BFSP1: variants seen among roughly 807,000 people sequenced by gnomAD.
The protein encoded by BFSP1 is filensin.
Under a neutral mutation model 43.9 loss-of-function variants are expected in BFSP1, and 38 were observed. The observed-to-expected ratio is 0.87, with a 90% CI of 0.67 to 1.14. The LOEUF (loss-of-function observed/expected upper bound fraction) is 1.14. Ranked by LOEUF, BFSP1 falls within the 50% of genes most tolerant of loss-of-function variation. The pLI is 0.00. For missense variants in BFSP1, 850 were observed against 875.1 expected (o/e 0.97, Z 0.36); for synonymous variants, 352 against 354.8 (o/e 0.99, Z 0.09).
rs1262685689 is a variant in BFSP1, at chr20:17,504,127, A to G, written c.735+4762T>C. Among the ~76,000 whole-genome samples, 3 of 152,262 alleles carry G rather than the reference A, an allele frequency of 2.0e-5. No individual in the cohort carries two copies. In the East Asian group the frequency reaches 5.8e-4, roughly 29 times the overall value. On this transcript the variant is annotated intron_variant, in intron 5 of 7. Transcript: ENST00000377873. ...TAAAGGCTGGAGATCCTCTGCTGGAACACTGCGGGAGGAGCTCCTGTCCTG... is the reference window on the plus strand; with the variant it reads ...TAAAGGCTGGAGATCCTCTGCTGGAGCACTGCGGGAGGAGCTCCTGTCCTG...
At chr20:17,545,170 T>C (rs545144418) in intron 1 of BFSP1, among the ~76,000 whole-genome samples, 16 of 152,326 alleles carry the variant, frequency 1.1e-4, no homozygotes, top group Middle Eastern at 3.4e-3. Flanking sequence ...AAAAAGAGAA[T>C]TGCCTGACTG....
At chr20:17,558,650 C>T in intron 1 of BFSP1, 1 of 1,547,268 alleles carries the variant, frequency 6.5e-7, no homozygotes, top group Non-Finnish European at 8.7e-7. Flanking sequence ...AAATGCTAAA[C>T]CTAGAATCCA....
chr20:17,495,505 GCTCAGATGGC>G (rs2033610574), intron 7 of BFSP1, among the ~76,000 whole-genome samples: 1 of 152,184 alleles, frequency 6.6e-6, no homozygotes, highest in East Asian at 1.9e-4. Context: ...CTTCTGACAT[GCTCAGATGGC>G]CTTGGGCCTG....
chr20:17,530,936 C>T lies in BFSP1; in HGVS notation c.377+17G>A. The T allele has an allele frequency of 7.1e-7, 1 of 1,402,720 alleles. No individual in the cohort carries two copies. The highest frequency in any genetic ancestry group is 9.2e-7 in the Non-Finnish European group (1 of 1,081,248). 86.9% of individuals were successfully genotyped at this position (1,402,720 alleles called of 1,614,324 possible). ...GCCCACGCCCTGCCTCGGTTTCCCC[C>T]GATGGCCGCCGCTTACTTGCTTCGG... On this transcript the variant is annotated intron_variant, in intron 1 of 7. Coordinates refer to ENST00000377873, the MANE Select transcript of BFSP1 (RefSeq NM_001195.5).
intron 5 of BFSP1, among the ~76,000 whole-genome samples, chr20:17,505,785 C>T (rs1225014089): frequency 1.3e-5 from 2 of 152,192 alleles, no homozygotes; most frequent in Admixed American, 1.3e-4. Flanking sequence ...ATCACAGGGA[C>T]ACCTAGACAT....
At chr20:17,559,163 A>G (rs1007184611), upstream of BFSP1, among the ~76,000 whole-genome samples, 11 of 152,220 alleles carry the variant, frequency 7.2e-5, no homozygotes, top group Non-Finnish European at 1.5e-4. Context: ...TTGCCCAGAC[A>G]TGGATAGTTG....
upstream of BFSP1, among the ~76,000 whole-genome samples, chr20:17,532,007 C>T (rs1215246580): frequency 6.6e-6 from 1 of 152,104 alleles, no homozygotes; most frequent in East Asian, 1.9e-4. Flanking sequence ...TAGTAATACC[C>T]GTGCATAAAA....
intron 1 of BFSP1, among the ~76,000 whole-genome samples, chr20:17,546,759 C>T (rs753121992): frequency 1.3e-5 from 2 of 152,044 alleles, no homozygotes; most frequent in Non-Finnish European, 2.9e-5. Flanking sequence ...GGAGCGGTGG[C>T]TTACGCCTGT....
intron 1 of BFSP1, among the ~76,000 whole-genome samples, chr20:17,545,871 C>T (rs1223595087): frequency 6.6e-6 from 1 of 152,236 alleles, no homozygotes; most frequent in East Asian, 1.9e-4. Flanking sequence ...TTAGTTTAGT[C>T]TTTACATAGA....
At chr20:17,535,957 T>TA (rs1008025847), upstream of BFSP1, among the ~76,000 whole-genome samples, 2 of 152,090 alleles carry the variant, frequency 1.3e-5, no homozygotes, top group Non-Finnish European at 2.9e-5. Flanking sequence ...TTTATTTTTT[T>TA]AAAAAAACAG....
chr20:17,536,804 A>G (rs1222813275), intron 1 of BFSP1, among the ~76,000 whole-genome samples: 1 of 152,194 alleles, frequency 6.6e-6, no homozygotes, highest in African/African-American at 2.4e-5. Flanking sequence ...TCTGCTGCCT[A>G]CTATTGTGTG....
At chr20:17,529,647 A>C (rs887751016) in intron 1 of BFSP1, among the ~76,000 whole-genome samples, 4 of 152,130 alleles carry the variant, frequency 2.6e-5, no homozygotes, top group Non-Finnish European at 1.5e-5. Flanking sequence ...ATAGTATTCC[A>C]TTACATGGAG....
upstream of BFSP1, among the ~76,000 whole-genome samples, chr20:17,532,549 C>G (rs1014552333): frequency 6.6e-6 from 1 of 151,830 alleles, no homozygotes. Flanking sequence ...CTCCTGGGCT[C>G]AAGTGATCCG....
intron 1 of BFSP1, among the ~76,000 whole-genome samples, chr20:17,547,758 G>T (rs1421257107): frequency 2.0e-5 from 3 of 147,844 alleles, no homozygotes; most frequent in Non-Finnish European, 3.0e-5. Context: ...TTGAAACAAG[G>T]TCTCATTCTG....
intron 2 of BFSP1, among the ~76,000 whole-genome samples, chr20:17,516,085 T>G (rs1286773581): frequency 2.0e-5 from 3 of 152,038 alleles, no homozygotes; most frequent in Non-Finnish European, 4.4e-5. Flanking sequence ...TCCCAGCACT[T>G]TGGGAGGCTG....
chr20:17,531,454 G>C (rs1399699325), upstream of BFSP1: 1 of 1,191,656 alleles, frequency 8.4e-7, no homozygotes, highest in Admixed American at 4.5e-5. Context: ...TTCCAGAGCC[G>C]ATCAGCAGTT....
intron 1 of BFSP1, among the ~76,000 whole-genome samples, chr20:17,553,053 G>A (rs1012953319): frequency 6.6e-6 from 1 of 152,192 alleles, no homozygotes; most frequent in African/African-American, 2.4e-5. Flanking sequence ...TATGCATGGG[G>A]ACTCTGGAGA....
Position 17,507,367 on chromosome 20 carries a change from C to A in BFSP1, c.735+1522G>T, listed in dbSNP as rs921481625. Reference sequence around the variant, plus strand: ...ACAAGGGCTTCACAAAACAAATCCTCCCTTTCACTTGCTGTACACTCTGTT... The same window carrying A: ...ACAAGGGCTTCACAAAACAAATCCTACCTTTCACTTGCTGTACACTCTGTT... On this transcript the variant is annotated intron_variant, in intron 5 of 7. Transcript: ENST00000377873. The surrounding 1 kb of genome is among the most constrained non-coding windows in gnomAD (Gnocchi z 4.4). Among the ~76,000 whole-genome samples the A allele has an allele frequency of 1.3e-5, 2 of 152,016 alleles. No homozygotes were observed. Among genetic ancestry groups the A allele is most frequent in the African/African-American group, 4.8e-5 (2 of 41,356 alleles).
Position 17,543,554 on chromosome 20 carries a change from T to C in BFSP1, c.2+15134A>G, listed in dbSNP as rs150022677. On this transcript the variant is annotated intron_variant, in intron 1 of 7. Transcript: ENST00000377868. Reference sequence around the variant, plus strand: ...AATAAAACATTATTGAACTTCTTCATGTGGCTAGAAAAAAAAAACCTTCTG... The same window carrying C: ...AATAAAACATTATTGAACTTCTTCACGTGGCTAGAAAAAAAAAACCTTCTG... Among the ~76,000 whole-genome samples, 86 of 152,268 alleles carry C rather than the reference T, an allele frequency of 5.6e-4. No homozygotes were observed. The South Asian group carries it at 0.017, about 30-fold the overall frequency.
Sources: gnomAD v4.1 joint callset for allele counts (sites outside exome capture counted in the v4.1 genomes callset) on GRCh38, gnomAD v4.1.1 for gene constraint, Gnocchi (gnomAD v3.1) non-coding constraint, MANE v1.5 for transcripts, NCBI Gene and HGNC (gene_info 2026-07-23, HGNC 2026-07-21) for gene names.